SH3TC2: variants seen among roughly 807,000 people sequenced by gnomAD.
SH3TC2 encodes SH3 domain and tetratricopeptide repeat-containing protein 2.
Under a neutral mutation model 124.5 loss-of-function variants are expected in SH3TC2, and 87 were observed. The ratio of observed to expected loss-of-function variants is 0.70; its 90% confidence interval spans 0.59 to 0.84. SH3TC2 has a LOEUF of 0.84. Ranked by LOEUF, SH3TC2 falls within the 40% of genes least tolerant of loss-of-function variation. SH3TC2 has a pLI of 0.00. For synonymous variants in SH3TC2, 634 were observed against 628.5 expected, an observed-to-expected ratio of 1.01 and a Z score of -0.13; for missense variants, 1,536 against 1,566.4, an observed-to-expected ratio of 0.98 and a Z score of 0.33.
At chr5:149,042,071 T>A (rs2127400779) in intron 5 of SH3TC2, among the ~76,000 whole-genome samples, 1 of 152,366 alleles carries the variant, frequency 6.6e-6, no homozygotes, top group South Asian at 2.1e-4. Context: ...GCAATATTTC[T>A]GCAATGCAAT....
intron 1 of SH3TC2, among the ~76,000 whole-genome samples, chr5:149,056,755 T>C (rs1754655340): frequency 6.6e-6 from 1 of 152,218 alleles, no homozygotes. Context: ...AAACAGCTAA[T>C]AGTTACACAT....
At chr5:149,036,833 A>T (rs1171916629) in intron 8 of SH3TC2, among the ~76,000 whole-genome samples, 23 of 152,110 alleles carry the variant, frequency 1.5e-4, no homozygotes, top group Admixed American at 1.5e-3. Context: ...ATATTTGTAA[A>T]GCTCCTGGAA....
At position 148,988,254 on chromosome 5, in the gene SH3TC2, A is replaced by C. The variant is rs973583665; in HGVS notation, c.*16457T>G. ...TCCCATGGACATGAAAATCATTATC[A>C]AAAATCCTACCCCAGATGGGAATGT... On this transcript the variant is annotated 3_prime_UTR_variant, in exon 17 of 17. Transcript: ENST00000515425. 3.0e-4 allele frequency among the ~76,000 whole-genome samples: 45 copies of C among 152,174 alleles called. No individual in the cohort carries two copies. Among genetic ancestry groups the C allele is most frequent in the Admixed American group, 2.8e-3 (43 of 15,272 alleles).
chr5:149,026,409 CT>C, intron 12 of SH3TC2, 162 bp downstream of exon 12: 1 of 786,520 alleles, frequency 1.3e-6, no homozygotes, highest in South Asian at 1.7e-5. Flanking sequence ...GGCTACACCA[CT>C]AATAAGTGAT....
At chr5:149,010,450 G>A in intron 13 of SH3TC2, 58 bp from the exon 14 acceptor site, 2 of 1,609,602 alleles carry the variant, frequency 1.2e-6, no homozygotes, top group South Asian at 1.1e-5. Context: ...GACCTCCACA[G>A]GACTGGCAGA....
rs750149369 is a variant in SH3TC2, at chr5:149,010,343, T to A, written c.3254A>T (p.Lys1085Ile). The change falls in exon 14 of 17, where the codon AAA becomes ATA. Residue 1085 changes from lysine (K) to isoleucine (I), a missense_variant. Around this residue, in one of 3 missense-constraint regions of SH3TC2, gnomAD observed 426 missense variants for 443.5 expected, o/e 0.96. Transcript: ENST00000515425. ...CACATCACCTGCTTCTTCATAAAGT[T>A]TGAGAGCCAGCAAAGGCTCCTCTGA... is the stretch of plus-strand genomic sequence containing the variant. The part of the protein sequence containing the change: ...LKSEEPLLAL[K>I]LYEEAGDVFF... 6.2e-7 allele frequency: 1 copy of A among 1,614,126 alleles called. No homozygotes were observed. The highest frequency in any genetic ancestry group is 1.3e-5 in the African/African-American group (1 of 75,038).
In SH3TC2 at chr5:148,996,145, G is replaced by T. The variant is rs1431780338; in HGVS notation, c.*8566C>A. Reference sequence around the variant, plus strand: ...TACATGCCTGTAGTCCCAGCTACTCGGGAGGCTGAAGTGGGAGGATCACCC... The same window carrying T: ...TACATGCCTGTAGTCCCAGCTACTCTGGAGGCTGAAGTGGGAGGATCACCC... On this transcript the variant is annotated 3_prime_UTR_variant, in exon 17 of 17. Transcript: ENST00000515425. Among the ~76,000 whole-genome samples the T allele has an allele frequency of 6.6e-6, 1 of 151,780 alleles. No homozygotes were observed. The highest frequency in any genetic ancestry group is 1.5e-5 in the Non-Finnish European group (1 of 67,986).
Position 149,027,029 on chromosome 5 carries a change from C to G in SH3TC2, c.2703G>C (p.Gln901His). Reference sequence around the variant, plus strand: ...GAAGTTCACAATAGAGTCGTACAGCCTGCAGGAGATAGTTTCTGGCTGGAT... The same window carrying G: ...GAAGTTCACAATAGAGTCGTACAGCGTGCAGGAGATAGTTTCTGGCTGGAT... ...AQHPARNYLL[Q>H]AVRLYCELQA... The change falls in exon 11 of 17, where the codon CAG (glutamine) becomes CAC (histidine). Residue 901 changes from glutamine to histidine, a missense_variant. Physicochemically the swap from Gln to His is conservative, Grantham distance 24. Around this residue, in one of 3 missense-constraint regions of SH3TC2, gnomAD observed 1,102 missense variants for 1,098.6 expected, o/e 1.00. Transcript: ENST00000515425. 1 of 1,614,190 alleles carries G rather than the reference C, an allele frequency of 6.2e-7. No homozygotes were observed. The highest frequency in any genetic ancestry group is 8.5e-7 in the Non-Finnish European group (1 of 1,180,036).
chr5:149,009,527 C>G (rs924962112), intron 14 of SH3TC2, among the ~76,000 whole-genome samples: 12 of 152,308 alleles, frequency 7.9e-5, no homozygotes, highest in Admixed American at 7.8e-4. Flanking sequence ...TTCTTCCCCA[C>G]CCCTAGCTCA....
At chr5:149,060,896 C>A (rs1754735190) in intron 1 of SH3TC2, among the ~76,000 whole-genome samples, 1 of 152,160 alleles carries the variant, frequency 6.6e-6, no homozygotes, top group Non-Finnish European at 1.5e-5. Flanking sequence ...GGGACTTGCC[C>A]AAGGTCACAC....
intron 15 of SH3TC2, 116 bp downstream of exon 15, chr5:149,008,735 C>T (rs1753732793): frequency 7.0e-7 from 1 of 1,432,094 alleles, no homozygotes; most frequent in Non-Finnish European, 9.8e-7. Flanking sequence ...GACAGTTGGA[C>T]CTGGGATTTG....
intron 1 of SH3TC2, among the ~76,000 whole-genome samples, chr5:149,059,865 A>G (rs1008547189): frequency 3.9e-5 from 6 of 152,184 alleles, no homozygotes; most frequent in Non-Finnish European, 8.8e-5. Context: ...TATTTCTTCA[A>G]AAAGTAAGAG....
Position 148,987,966 on chromosome 5 carries a change from C to T in SH3TC2, c.*16745G>A, listed in dbSNP as rs1753360514. On this transcript the variant is annotated 3_prime_UTR_variant, in exon 17 of 17. Transcript: ENST00000515425. The stretch of plus-strand genomic sequence containing the variant: ...GCCATCTCCACTTTGGCCACTTCTC[C>T]AGATACCCACAAGGAAGTGCCGAGA... Among the ~76,000 whole-genome samples, 1 of 152,076 alleles carries T rather than the reference C, an allele frequency of 6.6e-6. No homozygotes were observed. Among genetic ancestry groups the T allele is most frequent in the Non-Finnish European group, 1.5e-5 (1 of 68,018 alleles).
rs1361127714 is a variant in SH3TC2 at position 148,998,234 on chromosome 5, G to A, written c.*6477C>T. Reference sequence around the variant, plus strand: ...AACCATAAAATGCATTTCTTACTGTGGGCCACAACAACAACAACATAACAA... The same window carrying A: ...AACCATAAAATGCATTTCTTACTGTAGGCCACAACAACAACAACATAACAA... On this transcript the variant is annotated 3_prime_UTR_variant, in exon 17 of 17. Transcript: ENST00000515425. Among the ~76,000 whole-genome samples the A allele has an allele frequency of 1.3e-5, 2 of 152,088 alleles. No homozygotes were observed. Among genetic ancestry groups the A allele is most frequent in the Admixed American group, 6.5e-5 (1 of 15,270 alleles).
intron 8 of SH3TC2, among the ~76,000 whole-genome samples, chr5:149,037,255 T>C (rs973718488): frequency 2.0e-5 from 3 of 152,056 alleles, no homozygotes; most frequent in African/African-American, 4.8e-5. Context: ...GTGCAAAGCT[T>C]AATTCACATG....
At chr5:149,016,244 T>C (rs561149916) in intron 12 of SH3TC2, among the ~76,000 whole-genome samples, 48 of 152,314 alleles carry the variant, frequency 3.2e-4, no homozygotes, top group Middle Eastern at 6.8e-3. Flanking sequence ...GACCAAGTAA[T>C]AAGCCCTGTT....
intron 12 of SH3TC2, among the ~76,000 whole-genome samples, chr5:149,016,550 T>C (rs1437664118): frequency 6.6e-6 from 1 of 152,210 alleles, no homozygotes; most frequent in Non-Finnish European, 1.5e-5. Context: ...TGCTTCTGTG[T>C]TAGGGATTAA....
At chr5:149,061,758 C>A (rs36047) in intron 1 of SH3TC2, among the ~76,000 whole-genome samples, 1 of 151,880 alleles carries the variant, frequency 6.6e-6, no homozygotes, top group Non-Finnish European at 1.5e-5. Flanking sequence ...TGGTCCTGCA[C>A]GTCTCCCTCC....
At position 149,041,543 on chromosome 5, in the gene SH3TC2, T is replaced by C; in HGVS notation, c.604A>G (p.Lys202Glu). 3 of 1,614,182 alleles carry C rather than the reference T, an allele frequency of 1.9e-6. No individual in the cohort carries two copies. Among genetic ancestry groups the C allele is most frequent in the Non-Finnish European group, 2.5e-6 (3 of 1,180,026 alleles). The change falls in exon 6 of 17, where the codon AAG becomes GAG. Residue 202 changes from lysine to glutamate, a missense_variant. Coordinates refer to ENST00000515425, the MANE Select transcript of SH3TC2 (RefSeq NM_024577.4). The stretch of plus-strand genomic sequence containing the variant: ...ATCTTCACTGAGATTAACTCATTCT[T>C]GCAAAGTGTCAAGCATTCCCCTTCC... ...EKEGECLTLC[K>E]NELISVKMAE... is the part of the protein sequence containing the mutation.
Sources: gnomAD v4.1 joint callset for allele counts (sites outside exome capture counted in the v4.1 genomes callset) on GRCh38, gnomAD v4.1.1 for gene constraint, gnomAD v4.1.1 regional missense constraint, MANE v1.5 for transcripts, NCBI Gene and HGNC (gene_info 2026-07-23, HGNC 2026-07-21) for gene names.